CSMD1: variants seen among roughly 807,000 people sequenced by gnomAD.
CSMD1 encodes the protein CUB and sushi domain-containing protein 1.
CSMD1 carries 213 observed loss-of-function variants against 417.5 expected under a neutral mutation model. The ratio of observed to expected loss-of-function variants is 0.51; its 90% CI spans 0.46 to 0.57. The LOEUF is 0.57. CSMD1 is among the 20% of genes least tolerant of loss of function. CSMD1 has a pLI of 0.00. For synonymous variants in CSMD1, 2,862 were observed against 1,736.8 expected (o/e 1.65, Z -16.11); for missense variants, 6,923 against 4,529.7 (o/e 1.53, Z -15.17).
At chr8:4,749,246 A>G (rs1458301450) in intron 1 of CSMD1, among the ~76,000 whole-genome samples, 1 of 152,256 alleles carries the variant, frequency 6.6e-6, no homozygotes. Flanking sequence ...TGTTATCTTT[A>G]GAGAGAATAT....
At chr8:3,569,864 G>C (rs554001021) in intron 10 of CSMD1, among the ~76,000 whole-genome samples, 1 of 152,090 alleles carries the variant, frequency 6.6e-6, no homozygotes, top group East Asian at 1.9e-4. Flanking sequence ...ATGTCAACCT[G>C]GAATACCTTG....
At chr8:3,383,967 A>G (rs1810801268) in intron 18 of CSMD1, among the ~76,000 whole-genome samples, 1 of 152,182 alleles carries the variant, frequency 6.6e-6, no homozygotes, top group South Asian at 2.1e-4. Context: ...AAGAAGCTGG[A>G]CAAACAGGAC....
rs922910689 is a variant in CSMD1, at chr8:3,291,917, T to C, written c.3951-7571A>G. Among the ~76,000 whole-genome samples the C allele has an allele frequency of 2.0e-5, 3 of 152,104 alleles. No individual in the cohort carries two copies. The South Asian group carries it at 6.2e-4, about 32-fold the overall frequency. On this transcript the variant is annotated intron_variant, in intron 25 of 69. Transcript: ENST00000635120. ...TTTTCTAGTTCTTTTAATTGTGATG[T>C]TAGGGTGTCAATTTTAGATCTTTCC...
At chr8:3,999,755 G>C (rs1226901875) in intron 4 of CSMD1, among the ~76,000 whole-genome samples, 2 of 152,236 alleles carry the variant, frequency 1.3e-5, no homozygotes, top group South Asian at 2.1e-4. Context: ...GGTACACTTG[G>C]AGGAAAATTA....
chr8:4,426,866 A>G (rs1348740010), intron 2 of CSMD1, among the ~76,000 whole-genome samples: 3 of 151,602 alleles, frequency 2.0e-5, no homozygotes, highest in Non-Finnish European at 4.4e-5. Context: ...GCAGAATTCA[A>G]AAGTGGGAAG....
chr8:3,892,968 T>TAA (rs35278840), intron 5 of CSMD1, among the ~76,000 whole-genome samples: 121 of 148,728 alleles, frequency 8.1e-4, no homozygotes, highest in Middle Eastern at 3.4e-3. Flanking sequence ...ACCACAGTGA[T>TAA]AAAAAAAAAA....
intron 10 of CSMD1, among the ~76,000 whole-genome samples, chr8:3,502,805 C>G (rs1177609967): frequency 6.6e-6 from 1 of 152,068 alleles, no homozygotes; most frequent in East Asian, 1.9e-4. Flanking sequence ...TACAGTTGCC[C>G]AAATCCACAG....
At chr8:3,179,672 G>A (rs994261766) in intron 37 of CSMD1, among the ~76,000 whole-genome samples, 3 of 152,096 alleles carry the variant, frequency 2.0e-5, no homozygotes, top group Admixed American at 2.0e-4. Context: ...AGAATGATAA[G>A]AGCATTCATC....
intron 7 of CSMD1, among the ~76,000 whole-genome samples, chr8:3,684,556 T>C (rs530944471): frequency 1.3e-5 from 2 of 151,384 alleles, no homozygotes; most frequent in African/African-American, 4.8e-5. Flanking sequence ...TGTCTTTCTA[T>C]ATCATCATTG....
chr8:3,706,069 G>A (rs991132774), intron 7 of CSMD1, among the ~76,000 whole-genome samples: 5 of 152,234 alleles, frequency 3.3e-5, no homozygotes, highest in South Asian at 2.1e-4. Context: ...CACGCATGAC[G>A]CGCTGGAACG....
intron 1 of CSMD1, among the ~76,000 whole-genome samples, chr8:4,837,936 G>A (rs1800599229): frequency 6.6e-6 from 1 of 151,978 alleles, no homozygotes; most frequent in African/African-American, 2.4e-5. Flanking sequence ...GACAGATATA[G>A]ACACAATCTA....
chr8:3,403,282 C>T (rs573553603), intron 15 of CSMD1, among the ~76,000 whole-genome samples: 2 of 152,146 alleles, frequency 1.3e-5, no homozygotes, highest in East Asian at 1.9e-4. Flanking sequence ...ATCTGTATTA[C>T]TCACTGCTTC....
At chr8:4,366,930 A>C (rs1018947594) in intron 3 of CSMD1, among the ~76,000 whole-genome samples, 2 of 152,072 alleles carry the variant, frequency 1.3e-5, no homozygotes, top group African/African-American at 4.8e-5. Context: ...AGTTCCCTAC[A>C]GATTCTTGAT....
chr8:3,241,175 A>C (rs983395825), intron 26 of CSMD1, among the ~76,000 whole-genome samples: 1 of 151,640 alleles, frequency 6.6e-6, no homozygotes, highest in African/African-American at 2.4e-5. Flanking sequence ...AATTTAGTTA[A>C]AGTGTCTCGG....
intron 19 of CSMD1, 101 bp from the exon 20 acceptor site, chr8:3,367,348 A>T: frequency 2.8e-6 from 2 of 722,480 alleles, no homozygotes; most frequent in Non-Finnish European, 4.7e-6. Context: ...AGACATAGAG[A>T]TGACAGAGAT....
intron 3 of CSMD1, among the ~76,000 whole-genome samples, chr8:4,380,297 T>A (rs1396453810): frequency 6.6e-6 from 1 of 152,144 alleles, no homozygotes; most frequent in Non-Finnish European, 1.5e-5. Context: ...GCATCTGCAG[T>A]GCTGAGCCAC....
At chr8:3,522,005 G>C (rs1440037466) in intron 10 of CSMD1, among the ~76,000 whole-genome samples, 1 of 152,110 alleles carries the variant, frequency 6.6e-6, no homozygotes, top group Non-Finnish European at 1.5e-5. Flanking sequence ...ACAAGTATTT[G>C]CATTATCTTT....
At position 3,749,492 on chromosome 8, in the gene CSMD1, C is replaced by T. The variant is rs1026599723; in HGVS notation, c.931+4438G>A. Among the ~76,000 whole-genome samples, 8 of 151,658 alleles carry T rather than the reference C, an allele frequency of 5.3e-5. No individual in the cohort carries two copies. In the East Asian group the frequency reaches 5.8e-4, roughly 11 times the overall value. On this transcript the variant is annotated intron_variant, in intron 6 of 69. Transcript: ENST00000635120. ...AGTCAAAGAAGAAAGTGTAAGACTC[C>T]GAGAATAAAGAATTTGGAGATGAAA...
chr8:4,604,540 T>G (rs1451682700), intron 2 of CSMD1, among the ~76,000 whole-genome samples: 1 of 152,114 alleles, frequency 6.6e-6, no homozygotes, highest in African/African-American at 2.4e-5. Context: ...TATCAATAAA[T>G]GAACGCTTTT....
Sources: allele counts gnomAD v4.1 joint callset (sites outside exome capture counted in the v4.1 genomes callset), GRCh38; gene constraint gnomAD v4.1.1; transcripts MANE v1.5; gene names NCBI Gene and HGNC (gene_info 2026-07-23, HGNC 2026-07-21).